TLL2: variants seen among roughly 807,000 people sequenced by gnomAD.
The protein encoded by TLL2 is tolloid like 2, also known as tolloid-like protein 2.
Under a neutral mutation model 123.0 loss-of-function variants are expected in TLL2, and 106 were observed. The ratio of observed to expected loss-of-function variants is 0.86; its 90% CI spans 0.74 to 1.01. TLL2 has a LOEUF of 1.01. Ranked by LOEUF, TLL2 falls within the 50% of genes least tolerant of loss-of-function variation. TLL2 has a pLI of 0.00. For synonymous variants in TLL2, 494 were observed against 516.8 expected (o/e 0.96, Z 0.60); for missense variants, 1,332 against 1,336.7 (o/e 1.00, Z 0.06).
Position 96,384,688 on chromosome 10 carries a change from T to C in TLL2, c.2093A>G (p.Glu698Gly). 6.2e-7 allele frequency: 1 copy of C among 1,612,840 alleles called. No individual in the cohort carries two copies. Among genetic ancestry groups the C allele is most frequent in the African/African-American group, 1.3e-5 (1 of 75,016 alleles). ...CTGCGAGGTGATGACCTCCGGCGTCTCAGAGCCGCAGAACCTGCCGTGCAG... is the reference window on the plus strand; with the variant it reads ...CTGCGAGGTGATGACCTCCGGCGTCCCAGAGCCGCAGAACCTGCCGTGCAG... ...AKLHGRFCGS[E>G]TPEVITSQSN... Residue 698 changes from glutamate (E) to glycine (G), a missense_variant, in exon 16 of 21, where the codon GAG becomes GGG. Glu to Gly is a moderately conservative substitution (Grantham distance 98). Coordinates refer to ENST00000357947, the MANE Select transcript of TLL2 (RefSeq NM_012465.4).
At chr10:96,443,327 G>A (rs2134085968) in intron 3 of TLL2, among the ~76,000 whole-genome samples, 1 of 152,300 alleles carries the variant, frequency 6.6e-6, no homozygotes, top group Admixed American at 6.5e-5. Flanking sequence ...GCCTTAAATG[G>A]ACTGGCAACT....
intron 1 of TLL2, among the ~76,000 whole-genome samples, chr10:96,506,645 A>G (rs539526145): frequency 2.0e-5 from 3 of 151,798 alleles, no homozygotes; most frequent in African/African-American, 7.2e-5. Flanking sequence ...CCAGGCCCAC[A>G]TGCCAGGTGC....
intron 1 of TLL2, among the ~76,000 whole-genome samples, chr10:96,480,910 A>G (rs920802928): frequency 2.0e-5 from 3 of 152,210 alleles, no homozygotes; most frequent in East Asian, 3.8e-4. Flanking sequence ...AGGATTGGCC[A>G]CACAGCCTGC....
chr10:96,506,274 A>AG (rs1418758332), intron 1 of TLL2, among the ~76,000 whole-genome samples: 34 of 149,566 alleles, frequency 2.3e-4, no homozygotes, highest in African/African-American at 8.0e-4. Flanking sequence ...AAGAAAAAAA[A>AG]AAAAGAAAAA....
At chr10:96,484,217 C>T (rs1393284244) in intron 1 of TLL2, among the ~76,000 whole-genome samples, 3 of 152,090 alleles carry the variant, frequency 2.0e-5, no homozygotes, top group African/African-American at 7.2e-5. Flanking sequence ...ACCTGTAAGA[C>T]CCAGCACATG....
rs577996128 is a variant in TLL2, at chr10:96,376,987, TG to T, written c.2321-169del. On this transcript the variant is annotated intron_variant, in intron 17 of 20. Coordinates refer to ENST00000357947, the MANE Select transcript of TLL2 (RefSeq NM_012465.4). ...GGTATCTCCTGGCTCAGGGATGTGC[TG>T]GTTTACTTGCACTGGCTTTTCTGCC... is the stretch of plus-strand genomic sequence containing the variant. Among the ~76,000 whole-genome samples, 10 of 152,334 alleles carry T rather than the reference TG, an allele frequency of 6.6e-5. No homozygotes were observed. The East Asian group carries it at 1.9e-3, about 29-fold the overall frequency.
intron 18 of TLL2, 42 bp downstream of exon 18, chr10:96,376,650 T>C (rs752980705): frequency 1.9e-6 from 3 of 1,603,546 alleles, no homozygotes; most frequent in African/African-American, 2.7e-5. Context: ...ATCTGCCTGA[T>C]ACTCAAGTCC....
chr10:96,480,435 A>G lies in TLL2; in HGVS notation c.200T>C (p.Leu67Ser). Residue 67 changes from leucine (L) to serine (S), a missense_variant, in exon 2 of 21, where the codon TTA becomes TCA. By Grantham distance (145) the Leu-to-Ser change is moderately radical. Coordinates refer to ENST00000357947, the MANE Select transcript of TLL2 (RefSeq NM_012465.4). ...KAAVFWGDIALDEDDLKLFHI... is the reference protein window; with the variant it reads ...KAAVFWGDIASDEDDLKLFHI... Reference sequence around the variant, plus strand: ...AAACAGCTTCAAGTCATCTTCATCTAAGGCAATGTCTCCCCAAAAGACAGC... The same window carrying G: ...AAACAGCTTCAAGTCATCTTCATCTGAGGCAATGTCTCCCCAAAAGACAGC... 6.2e-7 allele frequency: 1 copy of G among 1,614,138 alleles called. No individual in the cohort carries two copies. The highest frequency in any genetic ancestry group is 8.5e-7 in the Non-Finnish European group (1 of 1,180,006).
intron 1 of TLL2, among the ~76,000 whole-genome samples, chr10:96,494,690 G>C (rs557599377): frequency 6.6e-6 from 1 of 152,366 alleles, no homozygotes; most frequent in African/African-American, 2.4e-5. Flanking sequence ...CGGGGGAAGA[G>C]ACGAGGTCTG....
intron 1 of TLL2, among the ~76,000 whole-genome samples, chr10:96,498,001 G>C (rs1002215201): frequency 1.9e-4 from 29 of 152,312 alleles, no homozygotes; most frequent in Admixed American, 8.5e-4. Flanking sequence ...GCTCCATTAG[G>C]TAATGGAGAG....
At chr10:96,479,585 T>C (rs1847291117) in intron 2 of TLL2, among the ~76,000 whole-genome samples, 1 of 152,216 alleles carries the variant, frequency 6.6e-6, no homozygotes, top group Admixed American at 6.5e-5. Context: ...CCTGGTGGGC[T>C]GCAGAGAGCA....
rs1039318085 is a variant in TLL2 at position 96,367,946 on chromosome 10, T to C, written c.*142A>G. ...CTTACAAGACTTTCATTCAAATATA[T>C]ACCTCTAAGGCTGGATTCTGAGTTT... On this transcript the variant is annotated 3_prime_UTR_variant, in exon 21 of 21. Coordinates refer to ENST00000357947, the MANE Select transcript of TLL2 (RefSeq NM_012465.4). 2.0e-5 allele frequency: 20 copies of C among 1,015,326 alleles called. No individual in the cohort carries two copies. The highest frequency in any genetic ancestry group is 3.8e-5 in the South Asian group (2 of 53,000). 62.9% of individuals were successfully genotyped at this position (1,015,326 alleles called of 1,614,324 possible).
intron 1 of TLL2, among the ~76,000 whole-genome samples, chr10:96,481,584 T>C (rs905465484): frequency 2.6e-5 from 4 of 152,316 alleles, no homozygotes. Context: ...AAGGAAGTCA[T>C]CTCTATGTTA....
At chr10:96,510,149 C>T (rs1022846223) in intron 1 of TLL2, among the ~76,000 whole-genome samples, 8 of 152,168 alleles carry the variant, frequency 5.3e-5, no homozygotes, top group African/African-American at 1.9e-4. Context: ...GACTTGAAAT[C>T]AGCTTAAAAC....
At chr10:96,445,997 G>A (rs1356919506) in intron 3 of TLL2, 94 bp downstream of exon 3, 1 of 1,263,698 alleles carries the variant, frequency 7.9e-7, no homozygotes, top group Non-Finnish European at 1.1e-6. Context: ...CCACTAAAGG[G>A]TATGCTTTAA....
chr10:96,386,912 CA>C (rs1272146142), intron 14 of TLL2, 40 bp downstream of exon 14: 4 of 1,612,106 alleles, frequency 2.5e-6, no homozygotes, highest in Non-Finnish European at 3.4e-6. Flanking sequence ...AGACTTGTCC[CA>C]TATACCCTCT....
intron 1 of TLL2, among the ~76,000 whole-genome samples, chr10:96,485,384 G>A (rs940157464): frequency 1.3e-5 from 2 of 152,174 alleles, no homozygotes; most frequent in Admixed American, 6.5e-5. Flanking sequence ...GAGAAAATTT[G>A]TGCAAGTCAT....
chr10:96,507,162 C>T (rs1034646939), intron 1 of TLL2, among the ~76,000 whole-genome samples: 2 of 151,988 alleles, frequency 1.3e-5, no homozygotes, highest in Non-Finnish European at 2.9e-5. Context: ...GACCTGGCCA[C>T]TATTGAGAAC....
At chr10:96,469,193 G>C (rs946994863) in intron 2 of TLL2, among the ~76,000 whole-genome samples, 1 of 152,210 alleles carries the variant, frequency 6.6e-6, no homozygotes, top group Admixed American at 6.5e-5. Context: ...CAGGGGTTTG[G>C]ACTCAACACA....
Sources: gnomAD v4.1 joint callset for allele counts (sites outside exome capture counted in the v4.1 genomes callset) on GRCh38, gnomAD v4.1.1 for gene constraint, MANE v1.5 for transcripts, NCBI Gene and HGNC (gene_info 2026-07-23, HGNC 2026-07-21) for gene names.